FBLN7: variants seen among roughly 807,000 people sequenced by gnomAD.
The protein encoded by FBLN7 is fibulin-7.
FBLN7 carries 31 observed loss-of-function variants against 44.0 expected under a neutral mutation model. That is an observed-to-expected ratio of 0.70 (90% CI 0.53 to 0.95). FBLN7 has a LOEUF of 0.95. Among genes scored for constraint, FBLN7 ranks in the 40% least tolerant of loss-of-function variants. The pLI, the probability that FBLN7 is intolerant of heterozygous loss-of-function variation, is 0.00. For missense variants in FBLN7, 573 were observed against 618.5 expected (o/e 0.93, Z 0.78); for synonymous variants, 262 against 253.4 (o/e 1.03, Z -0.32).
chr2:112,148,465 C>A (rs912296619), intron 1 of FBLN7, among the ~76,000 whole-genome samples: 1 of 152,216 alleles, frequency 6.6e-6, no homozygotes, highest in Non-Finnish European at 1.5e-5. Flanking sequence ...TATTTGGTGC[C>A]TACAATGGCC....
At chr2:112,211,922 CTAAATA>C in the FBLN7 span, 1 of 152,194 alleles carries the variant, frequency 6.6e-6, no homozygotes, top group Non-Finnish European at 1.5e-5. Flanking sequence ...CTTAACCCTT[CTAAATA>C]TATCTACTCT....
intron 1 of FBLN7, chr2:112,152,495 G>A (rs1051569989): frequency 3.3e-5 from 5 of 152,244 alleles, no homozygotes; most frequent in African/African-American, 1.2e-4. Flanking sequence ...CTGGAGGGCT[G>A]GGGTGGTTAA....
intron 3 of FBLN7, among the ~76,000 whole-genome samples, chr2:112,167,091 C>T (rs543240205): frequency 9.8e-5 from 15 of 152,360 alleles, no homozygotes; most frequent in African/African-American, 3.1e-4. Context: ...CACCCCCAAG[C>T]GGTGCTGCAA....
At chr2:112,243,567 T>C in the FBLN7 span, among the ~76,000 whole-genome samples, 20 of 152,006 alleles carry the variant, frequency 1.3e-4, 1 homozygote, top group African/African-American at 4.8e-4. Context: ...ATTAAGCAAA[T>C]AATTACCTCA....
At chr2:112,241,587 T>C in the FBLN7 span, among the ~76,000 whole-genome samples, 1 of 152,244 alleles carries the variant, frequency 6.6e-6, no homozygotes, top group East Asian at 1.9e-4. Flanking sequence ...AGGAAGTATG[T>C]TCAAATATGT....
Position 112,185,344 on chromosome 2 carries a change from G to A in FBLN7, c.947+5G>A, listed in dbSNP as rs1337009982. On this transcript the variant is annotated splice_donor_5th_base_variant and intron_variant, in intron 7 of 7. Transcript: ENST00000331203. ...CTACGTGAAGACGTCTCCATTGTGA[G>A]TATCTCCAGGGGAGGCACACCCTCA... The A allele has an allele frequency of 6.2e-7, 1 of 1,612,460 alleles. No homozygotes were observed. Among genetic ancestry groups the A allele is most frequent in the Non-Finnish European group, 8.5e-7 (1 of 1,178,774 alleles).
intron 1 of FBLN7, among the ~76,000 whole-genome samples, chr2:112,150,918 C>T (rs1315448449): frequency 4.6e-5 from 7 of 152,194 alleles, no homozygotes; most frequent in Admixed American, 6.5e-5. Flanking sequence ...AGAGGGCCAA[C>T]GATTGCCTAA....
chr2:112,160,811 CACG>C (rs1558880552), intron 2 of FBLN7, among the ~76,000 whole-genome samples: 3 of 149,418 alleles, frequency 2.0e-5, no homozygotes, highest in African/African-American at 7.5e-5. Context: ...CACGCACACA[CACG>C]CACACACAAG....
chr2:112,193,105 C>T (rs969011825), downstream of FBLN7, among the ~76,000 whole-genome samples: 2 of 152,120 alleles, frequency 1.3e-5, no homozygotes, highest in African/African-American at 4.8e-5. Flanking sequence ...CCAGGACCCC[C>T]CATGGATACC....
intron 1 of FBLN7, among the ~76,000 whole-genome samples, chr2:112,138,991 C>CCAGT (rs1680500636): frequency 2.6e-5 from 2 of 77,520 alleles, no homozygotes; most frequent in Non-Finnish European, 5.2e-5. Context: ...TCCAGGCCAG[C>CCAGT]GTCCCTCCCG....
chr2:112,142,911 A>G (rs1680725061), intron 1 of FBLN7, among the ~76,000 whole-genome samples: 1 of 151,650 alleles, frequency 6.6e-6, no homozygotes, highest in Non-Finnish European at 1.5e-5. Context: ...GTGTGTGTGC[A>G]TATCTGTGCT....
chr2:112,166,451 G>A (rs758093729), intron 3 of FBLN7, among the ~76,000 whole-genome samples: 4 of 152,082 alleles, frequency 2.6e-5, no homozygotes, highest in Admixed American at 6.6e-5. Context: ...AGAAGCTCAG[G>A]GAAACCAGAA....
intron 6 of FBLN7, among the ~76,000 whole-genome samples, chr2:112,183,559 C>T (rs1417823846): frequency 1.3e-5 from 2 of 152,150 alleles, no homozygotes; most frequent in East Asian, 1.9e-4. Flanking sequence ...CCATCAGAAC[C>T]ACATCCAGGC....
chr2:112,230,794 C>T, the FBLN7 span: 12 of 630,224 alleles, frequency 1.9e-5, no homozygotes, highest in Middle Eastern at 3.4e-4. Flanking sequence ...TTTTTAGTGG[C>T]GGAGGAAGAA....
At chr2:112,216,905 A>G in the FBLN7 span, among the ~76,000 whole-genome samples, 2 of 152,170 alleles carry the variant, frequency 1.3e-5, no homozygotes, top group African/African-American at 4.8e-5. Context: ...TAGAGAAAGA[A>G]ACACAGTAAC....
At chr2:112,211,230 T>C in the FBLN7 span, among the ~76,000 whole-genome samples, 1 of 152,254 alleles carries the variant, frequency 6.6e-6, no homozygotes, top group Non-Finnish European at 1.5e-5. Flanking sequence ...CCCCACATTT[T>C]TTTAGAGTCA....
At chr2:112,163,186 T>G (rs539464607) in intron 2 of FBLN7, among the ~76,000 whole-genome samples, 1 of 152,304 alleles carries the variant, frequency 6.6e-6, no homozygotes, top group African/African-American at 2.4e-5. Flanking sequence ...AACCCTAGGT[T>G]GTGTCCGGCC....
At chr2:112,238,229 G>A in the FBLN7 span, 9 of 1,318,322 alleles carry the variant, frequency 6.8e-6, no homozygotes, top group African/African-American at 8.9e-5. Context: ...AAGATAAAGT[G>A]CAAAGAAAAA....
chr2:112,242,484 GACA>G, the FBLN7 span, among the ~76,000 whole-genome samples: 20 of 152,276 alleles, frequency 1.3e-4, 1 homozygote, highest in African/African-American at 4.8e-4. Context: ...GTTATAAATT[GACA>G]ACATTTTGAG....
Sources: allele counts gnomAD v4.1 joint callset (sites outside exome capture counted in the v4.1 genomes callset), GRCh38; gene constraint gnomAD v4.1.1; transcripts MANE v1.5; gene names NCBI Gene and HGNC (gene_info 2026-07-23, HGNC 2026-07-21).